Variants in ITPRID2 observed in about 807,000 individuals in gnomAD.
The protein encoded by ITPRID2 is ITPR interacting domain containing 2.
In ITPRID2, 60 loss-of-function variants were observed where a neutral mutation model predicts 124.3. The ratio of observed to expected loss-of-function variants is 0.48; its 90% CI spans 0.39 to 0.60. The LOEUF is 0.60. Among genes scored for constraint, ITPRID2 ranks in the 20% least tolerant of loss-of-function variants. ITPRID2 has a pLI of 0.00. For synonymous variants in ITPRID2, 521 were observed against 542.9 expected, an observed-to-expected ratio of 0.96 and a Z score of 0.56; for missense variants, 1,553 against 1,512.2, an observed-to-expected ratio of 1.03 and a Z score of -0.45.
At chr2:181,928,311 A>G (rs1292844470) in intron 17 of ITPRID2, 33 bp downstream of exon 17, 3 of 1,267,942 alleles carry the variant, frequency 2.4e-6, no homozygotes, top group Non-Finnish European at 3.3e-6. Context: ...GTTGAGCTAA[A>G]TGTAAATAGT....
Position 181,929,704 on chromosome 2 carries a change from A to G in ITPRID2, c.*157A>G. 7.4e-7 allele frequency: 1 copy of G among 1,359,170 alleles called. No individual in the cohort carries two copies. Among genetic ancestry groups the G allele is most frequent in the South Asian group, 1.4e-5 (1 of 70,058 alleles). 84.2% of individuals were successfully genotyped at this position (1,359,170 alleles called of 1,614,324 possible). On this transcript the variant is annotated 3_prime_UTR_variant, in exon 18 of 18. Coordinates refer to ENST00000431877, the MANE Select transcript of ITPRID2 (RefSeq NM_001130445.3). ...ACAATGTGTATTTCTTCAACCATAT[A>G]TTTTAAAAAGACGTACATAGAAACT...
chr2:181,927,727 G>A (rs1237491019), intron 16 of ITPRID2, among the ~76,000 whole-genome samples: 2 of 152,166 alleles, frequency 1.3e-5, no homozygotes, highest in Admixed American at 1.3e-4. Flanking sequence ...TAAACAGGCA[G>A]TATACCTGTA....
In ITPRID2 at chr2:181,896,880, A is replaced by G. The variant is rs779947960; in HGVS notation, c.308-28A>G. On this transcript the variant is annotated intron_variant, in intron 3 of 17. Coordinates refer to ENST00000431877, the MANE Select transcript of ITPRID2 (RefSeq NM_001130445.3). This position sits in a 1 kb window ranked among gnomAD's most constrained non-coding sequence, Gnocchi z 4.3. ...TGAGGGTGGAGAGGAACAGAACACC[A>G]GGATGAGTTTTCAAATGTGTCTTTC... 66 of 1,595,970 alleles carry G rather than the reference A, an allele frequency of 4.1e-5. No homozygotes were observed. The highest frequency in any genetic ancestry group is 5.2e-5 in the Non-Finnish European group (61 of 1,164,230).
intron 15 of ITPRID2, 80 bp downstream of exon 15, chr2:181,920,742 AAT>A (rs1205403390): frequency 1.9e-6 from 2 of 1,031,654 alleles, no homozygotes; most frequent in Middle Eastern, 2.1e-4. Context: ...GTTTAGATGA[AAT>A]ATATGTTTAT....
At chr2:181,916,454 G>C in intron 11 of ITPRID2, 27 bp downstream of exon 11, 1 of 1,593,290 alleles carries the variant, frequency 6.3e-7, no homozygotes, top group Non-Finnish European at 8.5e-7. Context: ...GTTATCATTA[G>C]CTTTTTTCTT....
chr2:181,916,715 A>C, intron 11 of ITPRID2: 1 of 741,314 alleles, frequency 1.3e-6, no homozygotes, highest in Middle Eastern at 5.1e-4. Flanking sequence ...TCTATCATCC[A>C]CTGTCTTTGT....
At chr2:181,901,255 A>G (rs555142057) in intron 7 of ITPRID2, among the ~76,000 whole-genome samples, 3 of 152,300 alleles carry the variant, frequency 2.0e-5, no homozygotes, top group Admixed American at 6.5e-5. Context: ...TAGTCTGGCT[A>G]ATTTGATCAG....
At position 181,905,559 on chromosome 2, in the gene ITPRID2, G is replaced by T. The variant is rs578094082; in HGVS notation, c.1413+3093G>T. On this transcript the variant is annotated intron_variant, in intron 8 of 17. Coordinates refer to ENST00000431877, the MANE Select transcript of ITPRID2 (RefSeq NM_001130445.3). The surrounding 1 kb of genome is among the most constrained non-coding windows in gnomAD (Gnocchi z 4.1). ...CAGATGTTCATCTTTTAGATGTAAA[G>T]GAAAAACTTAAGAAGGAGAACTTTT... Among the ~76,000 whole-genome samples the T allele has an allele frequency of 6.6e-6, 1 of 152,212 alleles. No homozygotes were observed. The highest frequency in any genetic ancestry group is 2.1e-4 in the South Asian group (1 of 4,814).
Position 181,891,853 on chromosome 2 carries a change from G to A in ITPRID2, c.-214G>A. 3.0e-6 allele frequency: 1 copy of A among 327,984 alleles called. No individual in the cohort carries two copies. Among genetic ancestry groups the A allele is most frequent in the Non-Finnish European group, 5.7e-6 (1 of 175,210 alleles). The allele number at this position is 327,984 out of a possible 1,614,324, so 20.3% of individuals were successfully genotyped here. A position where few individuals can be genotyped will look rare whatever the true frequency, so the allele number is the denominator to read the frequency against. Reference sequence around the variant, plus strand: ...CTAGCGCTCCCGCGCGCGCCCGGCCGCCTTCATGTGAAGCGCCGGCCCTCC... The same window carrying A: ...CTAGCGCTCCCGCGCGCGCCCGGCCACCTTCATGTGAAGCGCCGGCCCTCC... On this transcript the variant is annotated 5_prime_UTR_variant, in exon 1 of 18. Transcript: ENST00000431877.
rs1574238459 is a variant in ITPRID2, at chr2:181,905,696, A to G, written c.1413+3230A>G. On this transcript the variant is annotated intron_variant, in intron 8 of 17. Coordinates refer to ENST00000431877, the MANE Select transcript of ITPRID2 (RefSeq NM_001130445.3). The surrounding 1 kb of genome is among the most constrained non-coding windows in gnomAD (Gnocchi z 4.1). ...ACACATAATCTTTTTTAAGCTACTGATGTGTTAGTAACTGTTTCTAATCCT... is the reference window on the plus strand; with the variant it reads ...ACACATAATCTTTTTTAAGCTACTGGTGTGTTAGTAACTGTTTCTAATCCT... Among the ~76,000 whole-genome samples the G allele has an allele frequency of 2.6e-5, 4 of 152,170 alleles. No homozygotes were observed. In the East Asian group the frequency reaches 7.7e-4, roughly 29 times the overall value.
chr2:181,928,642 T>C (rs1188771769), intron 17 of ITPRID2, among the ~76,000 whole-genome samples: 1 of 152,108 alleles, frequency 6.6e-6, no homozygotes, highest in Non-Finnish European at 1.5e-5. Context: ...TTTTTTTTTT[T>C]TGAGACAGAG....
Position 181,892,672 on chromosome 2 carries a change from C to T in ITPRID2, c.257+12C>T, listed in dbSNP as rs149844082. On this transcript the variant is annotated intron_variant, in intron 2 of 17. Transcript: ENST00000431877. The surrounding 1 kb of genome is among the most constrained non-coding windows in gnomAD (Gnocchi z 5.2). ...CTCAAGGACTGCCGGTGAGTGCTCC[C>T]TGGTCCGCCCGCGTCCCGGGGGAGA... is the stretch of plus-strand genomic sequence containing the variant. The T allele has an allele frequency of 2.6e-4, 413 of 1,614,010 alleles. No homozygotes were observed. Among genetic ancestry groups the T allele is most frequent in the Middle Eastern group, 2.3e-3 (14 of 6,062 alleles).
At position 181,929,035 on chromosome 2, in the gene ITPRID2, T is replaced by C. The variant is rs144600799; in HGVS notation, c.*14-526T>C. Reference sequence around the variant, plus strand: ...ATTTATTTCAAAAAACTCTTTTATATGTCTGTCTTAGTAAAACGAATTACT... The same window carrying C: ...ATTTATTTCAAAAAACTCTTTTATACGTCTGTCTTAGTAAAACGAATTACT... On this transcript the variant is annotated intron_variant, in intron 17 of 17. Coordinates refer to ENST00000431877, the MANE Select transcript of ITPRID2 (RefSeq NM_001130445.3). Among the ~76,000 whole-genome samples, 59 of 152,158 alleles carry C rather than the reference T, an allele frequency of 3.9e-4. No homozygotes were observed. The East Asian group carries it at 9.8e-3, about 25-fold the overall frequency.
In ITPRID2 at chr2:181,929,027, CTT is replaced by C. The variant is rs528482431; in HGVS notation, c.*14-531_*14-530del. On this transcript the variant is annotated intron_variant, in intron 17 of 17. Coordinates refer to ENST00000431877, the MANE Select transcript of ITPRID2 (RefSeq NM_001130445.3). ...TAATAATAATTTATTTCAAAAAACT[CTT>C]TTATATGTCTGTCTTAGTAAAACGA... 1.7e-3 allele frequency among the ~76,000 whole-genome samples: 257 copies of C among 151,930 alleles called. 1 individual carries two copies. In the South Asian group the frequency reaches 0.025, roughly 15 times the overall value.
rs1692727501 is a variant in ITPRID2 at position 181,902,251 on chromosome 2, C to G, written c.1198C>G (p.Gln400Glu). The change falls in exon 8 of 18, where the codon CAA (glutamine) becomes GAA (glutamate). Residue 400 changes from glutamine (Q) to glutamate (E), a missense_variant. Gln to Glu is a conservative substitution (Grantham distance 29, BLOSUM62 2). Transcript: ENST00000431877. This position sits in a 1 kb window ranked among gnomAD's most constrained non-coding sequence, Gnocchi z 4.4. ...GTENEQSKET[Q>E]SHESKLGEES... ...TGAAAATGAACAAAGTAAAGAAACT[C>G]AAAGTCATGAGAGTAAACTGGGTGA... 2 of 1,612,830 alleles carry G rather than the reference C, an allele frequency of 1.2e-6. No homozygotes were observed. The highest frequency in any genetic ancestry group is 8.5e-7 in the Non-Finnish European group (1 of 1,179,386).
At chr2:181,925,684 A>G (rs1044786377) in intron 16 of ITPRID2, among the ~76,000 whole-genome samples, 1 of 152,166 alleles carries the variant, frequency 6.6e-6, no homozygotes, top group African/African-American at 2.4e-5. Flanking sequence ...CTGCTCGCTG[A>G]AGGAGCTCAC....
intron 2 of ITPRID2, chr2:181,893,642 C>A (rs1574188668): frequency 6.6e-6 from 1 of 152,230 alleles, no homozygotes; most frequent in East Asian, 1.9e-4. Context: ...GTGTCATAGA[C>A]CCTTCTGAAA....
chr2:181,915,298 T>G lies in ITPRID2; in HGVS notation c.1658T>G (p.Leu553Arg). Reference sequence around the variant, plus strand: ...ACAGTTACGTCACTTGGTGAAGACCTTGCCACACCAACAGCACAAGACCAG... The same window carrying G: ...ACAGTTACGTCACTTGGTGAAGACCGTGCCACACCAACAGCACAAGACCAG... ...ETTVTSLGED[L>R]ATPTAQDQPY... The change falls in exon 11 of 18, where the codon CTT (leucine) becomes CGT (arginine). Residue 553 changes from leucine to arginine, a missense_variant. Leu to Arg is a moderately radical substitution (Grantham distance 102). Transcript: ENST00000431877. The G allele has an allele frequency of 6.2e-7, 1 of 1,614,192 alleles. No individual in the cohort carries two copies.
At chr2:181,929,047 T>G (rs1406487391) in intron 17 of ITPRID2, among the ~76,000 whole-genome samples, 1 of 152,072 alleles carries the variant, frequency 6.6e-6, no homozygotes, top group African/African-American at 2.4e-5. Context: ...TCTGTCTTAG[T>G]AAAACGAATT....
Sources: gnomAD v4.1 joint callset for allele counts (sites outside exome capture counted in the v4.1 genomes callset) on GRCh38, gnomAD v4.1.1 for gene constraint, Gnocchi (gnomAD v3.1) non-coding constraint, MANE v1.5 for transcripts, NCBI Gene and HGNC (gene_info 2026-07-23, HGNC 2026-07-21) for gene names.